PCDHGA8: variants seen among roughly 807,000 people sequenced by gnomAD.
The protein encoded by PCDHGA8 is protocadherin gamma subfamily A, 8, also known as protocadherin gamma-A8.
Under a neutral mutation model 59.2 loss-of-function variants are expected in PCDHGA8, and 45 were observed. The ratio of observed to expected loss-of-function variants is 0.76; its 90% CI spans 0.60 to 0.98. PCDHGA8 has a LOEUF of 0.98. Ranked by LOEUF, PCDHGA8 falls within the 50% of genes least tolerant of loss-of-function variation. PCDHGA8 has a pLI of 0.00. For missense variants in PCDHGA8, 1,257 were observed against 1,196.2 expected (o/e 1.05, Z -0.75); for synonymous variants, 531 against 519.0 (o/e 1.02, Z -0.32).
At position 141,395,074 on chromosome 5, in the gene PCDHGA8, C is replaced by T. The variant is rs368699767; in HGVS notation, c.2261C>T (p.Ser754Phe). The T allele has an allele frequency of 3.9e-5, 63 of 1,614,048 alleles. No homozygotes were observed. The African/African-American group carries it at 6.0e-4, about 15-fold the overall frequency. Reference sequence around the variant, plus strand: ...GTACAGGCTTTCCTGCAGACCTATTCCCAGGAAGTCTCCCTCACCGCCGAC... The same window carrying T: ...GTACAGGCTTTCCTGCAGACCTATTTCCAGGAAGTCTCCCTCACCGCCGAC... ...EEVQAFLQTYSQEVSLTADSR... is the reference protein window; with the variant it reads ...EEVQAFLQTYFQEVSLTADSR... The change falls in exon 1 of 4, where the codon TCC becomes TTC. Residue 754 changes from serine (S) to phenylalanine (F), a missense_variant. Ser to Phe is a radical substitution (Grantham distance 155). Transcript: ENST00000398604.
chr5:141,437,331 A>T (rs2097876062), intron 1 of PCDHGA8, among the ~76,000 whole-genome samples: 1 of 152,244 alleles, frequency 6.6e-6, no homozygotes, highest in South Asian at 2.1e-4. Context: ...TAAAATTTGT[A>T]GCTTCACTGT....
intron 1 of PCDHGA8, chr5:141,422,903 A>G (rs1444530801): frequency 1.9e-6 from 3 of 1,614,036 alleles, no homozygotes; most frequent in African/African-American, 2.7e-5. Context: ...CAGAACGACA[A>G]TGCGCCCGAG....
At chr5:141,458,319 T>C (rs2879229) in intron 1 of PCDHGA8, among the ~76,000 whole-genome samples, 84,591 of 151,864 alleles carry the variant, frequency 0.56, 26,265 homozygotes, top group African/African-American at 0.85. Flanking sequence ...CACAGACACA[T>C]GTGGAGTGGT....
intron 1 of PCDHGA8, chr5:141,408,760 C>T: frequency 6.2e-7 from 1 of 1,610,404 alleles, no homozygotes. Flanking sequence ...GAGTTAATTC[C>T]GATGGTGGCA....
At chr5:141,481,191 C>A (rs1244434918) in intron 1 of PCDHGA8, among the ~76,000 whole-genome samples, 1 of 152,148 alleles carries the variant, frequency 6.6e-6, no homozygotes, top group Non-Finnish European at 1.5e-5. Context: ...GGGCCAGGCC[C>A]AATTTTTTTA....
At chr5:141,498,105 G>A (rs150297456) in intron 2 of PCDHGA8, among the ~76,000 whole-genome samples, 4 of 152,206 alleles carry the variant, frequency 2.6e-5, no homozygotes, top group African/African-American at 9.7e-5. Flanking sequence ...TGGTGTGGGC[G>A]TATAATAGGG....
At chr5:141,424,901 C>G (rs2096846997) in intron 1 of PCDHGA8, among the ~76,000 whole-genome samples, 1 of 152,134 alleles carries the variant, frequency 6.6e-6, no homozygotes, top group African/African-American at 2.4e-5. Context: ...TTTTTGATCA[C>G]AGGAATCATT....
intron 1 of PCDHGA8, among the ~76,000 whole-genome samples, chr5:141,435,011 A>G (rs2097737147): frequency 6.6e-6 from 1 of 152,126 alleles, no homozygotes; most frequent in African/African-American, 2.4e-5. Flanking sequence ...TTTATCAATG[A>G]TAATGCTCTT....
intron 1 of PCDHGA8, among the ~76,000 whole-genome samples, chr5:141,456,625 C>T (rs544550965): frequency 4.6e-5 from 7 of 152,288 alleles, no homozygotes; most frequent in African/African-American, 1.4e-4. Flanking sequence ...AGATTTGCCT[C>T]TTCTTTACTA....
intron 1 of PCDHGA8, chr5:141,405,386 T>C (rs2094651618): frequency 6.9e-6 from 11 of 1,595,500 alleles, no homozygotes; most frequent in Non-Finnish European, 7.7e-6. Flanking sequence ...GGTGAGTTCA[T>C]TTTTTTTCTT....
rs567684479 is a variant in PCDHGA8 at position 141,432,875 on chromosome 5, G to T, written c.2424+37638G>T. The T allele has an allele frequency of 6.2e-7, 1 of 1,614,178 alleles. No individual in the cohort carries two copies. Among genetic ancestry groups the T allele is most frequent in the South Asian group, 1.1e-5 (1 of 91,084 alleles). ...GGCCGCGGTCTCCTGCGTCTTCCTG[G>T]CCTTCGTCATCTTGCTGCTGGCGCT... On this transcript the variant is annotated intron_variant, in intron 1 of 3. Coordinates refer to ENST00000398604, the MANE Select transcript of PCDHGA8 (RefSeq NM_032088.2). This position sits in a 1 kb window ranked among gnomAD's most constrained non-coding sequence, Gnocchi z 6.0.
chr5:141,451,326 G>T (rs189445228), intron 1 of PCDHGA8, among the ~76,000 whole-genome samples: 3 of 152,278 alleles, frequency 2.0e-5, no homozygotes, highest in Admixed American at 2.0e-4. Context: ...GTCACCTAAG[G>T]CTATTGTCTT....
At chr5:141,418,409 G>T in intron 1 of PCDHGA8, 1 of 1,613,910 alleles carries the variant, frequency 6.2e-7, no homozygotes, top group Non-Finnish European at 8.5e-7. Flanking sequence ...GGTGGAGAAA[G>T]ACAATCCTGA....
At chr5:141,470,734 G>A (rs970003510) in intron 1 of PCDHGA8, among the ~76,000 whole-genome samples, 1 of 152,128 alleles carries the variant, frequency 6.6e-6, no homozygotes, top group Non-Finnish European at 1.5e-5. Context: ...GTCTTGCTCT[G>A]TCGCCCTGGC....
At chr5:141,427,952 T>C (rs1311471634) in intron 1 of PCDHGA8, 38 of 1,587,018 alleles carry the variant, frequency 2.4e-5, no homozygotes, top group Non-Finnish European at 2.8e-5. Flanking sequence ...TCAATGACAA[T>C]GTGCCGCGGG....
At chr5:141,458,988 C>T (rs996478276) in intron 1 of PCDHGA8, among the ~76,000 whole-genome samples, 1 of 152,208 alleles carries the variant, frequency 6.6e-6, no homozygotes, top group South Asian at 2.1e-4. Context: ...CTGCCTCACC[C>T]TCCCAAAGTG....
intron 1 of PCDHGA8, chr5:141,407,909 G>T: frequency 4.7e-6 from 2 of 425,700 alleles, no homozygotes; most frequent in Non-Finnish European, 8.3e-6. Context: ...TGAAAAACCG[G>T]GCTGCTGTCC....
At chr5:141,473,501 G>A (rs1053399138) in intron 1 of PCDHGA8, among the ~76,000 whole-genome samples, 2 of 152,188 alleles carry the variant, frequency 1.3e-5, no homozygotes, top group South Asian at 4.1e-4. Context: ...GGTGTTCTGA[G>A]AGAGCATAAC....
intron 1 of PCDHGA8, chr5:141,408,865 A>G (rs765751172): frequency 6.2e-7 from 1 of 1,613,684 alleles, no homozygotes. Context: ...GGGACCCACC[A>G]AGAAGTGCCA....
Sources: allele counts gnomAD v4.1 joint callset (sites outside exome capture counted in the v4.1 genomes callset), GRCh38; gene constraint gnomAD v4.1.1; non-coding constraint Gnocchi (gnomAD v3.1); transcripts MANE v1.5; gene names NCBI Gene and HGNC (gene_info 2026-07-23, HGNC 2026-07-21).